The following FER1L6 variants were observed in gnomAD, a reference collection of about 807,000 sequenced individuals.
FER1L6 encodes fer-1-like protein 6.
A neutral mutation model predicts 219.2 loss-of-function variants in FER1L6; 177 were observed. That is an observed-to-expected ratio of 0.81 (90% CI 0.71 to 0.91). The LOEUF is 0.91. FER1L6 is among the 40% of genes least tolerant of loss of function. The pLI, the probability that FER1L6 is intolerant of heterozygous loss-of-function variation, is 0.00. For missense variants in FER1L6, 2,153 were observed against 2,259.9 expected (o/e 0.95, Z 0.96); for synonymous variants, 768 against 824.3 (o/e 0.93, Z 1.17).
chr8:124,007,970 G>A (rs1342895209), intron 13 of FER1L6, among the ~76,000 whole-genome samples: 2 of 152,122 alleles, frequency 1.3e-5, no homozygotes, highest in African/African-American at 4.8e-5. Context: ...AGGTTTTGGT[G>A]GAACACATGG....
At chr8:124,012,844 G>A (rs1462186138) in intron 14 of FER1L6, among the ~76,000 whole-genome samples, 1 of 152,154 alleles carries the variant, frequency 6.6e-6, no homozygotes, top group East Asian at 1.9e-4. Context: ...TTCCCCTTAG[G>A]TGCCATTTTC....
chr8:123,866,997 C>A (rs1161071220), intron 1 of FER1L6, among the ~76,000 whole-genome samples: 1 of 152,170 alleles, frequency 6.6e-6, no homozygotes, highest in Non-Finnish European at 1.5e-5. Context: ...GTATAGTTTG[C>A]AAATATTTTC....
At chr8:123,859,624 A>G (rs1395661389) in intron 1 of FER1L6, among the ~76,000 whole-genome samples, 6 of 145,944 alleles carry the variant, frequency 4.1e-5, no homozygotes, top group Admixed American at 2.8e-4. Context: ...ATATGTATAC[A>G]TGTACCATGC....
At chr8:123,938,836 T>C in intron 1 of FER1L6, among the ~76,000 whole-genome samples, 1 of 152,156 alleles carries the variant, frequency 6.6e-6, no homozygotes, top group Non-Finnish European at 1.5e-5. Context: ...GTGTGAGCCA[T>C]GGCGCCCAGC....
chr8:123,981,478 G>T (rs530107151), intron 11 of FER1L6, among the ~76,000 whole-genome samples: 1 of 152,324 alleles, frequency 6.6e-6, no homozygotes, highest in African/African-American at 2.4e-5. Context: ...AGCGGAGGTA[G>T]GTAGATTCCA....
At chr8:123,868,185 C>T (rs1420228066) in intron 1 of FER1L6, among the ~76,000 whole-genome samples, 1 of 152,064 alleles carries the variant, frequency 6.6e-6, no homozygotes, top group Non-Finnish European at 1.5e-5. Context: ...GGGTAGGTGA[C>T]TTCATCAGAG....
At chr8:123,992,642 T>C (rs1192947626) in intron 12 of FER1L6, among the ~76,000 whole-genome samples, 2 of 152,228 alleles carry the variant, frequency 1.3e-5, no homozygotes, top group Non-Finnish European at 2.9e-5. Context: ...ATTTTGCTTA[T>C]CTATTTAAAG....
intron 1 of FER1L6, among the ~76,000 whole-genome samples, chr8:123,882,166 G>A (rs898630554): frequency 5.3e-5 from 8 of 150,648 alleles, no homozygotes; most frequent in East Asian, 3.9e-4. Context: ...CTGGAACTCC[G>A]GCCCACAAAA....
intron 1 of FER1L6, among the ~76,000 whole-genome samples, chr8:123,895,569 G>A (rs1812729350): frequency 6.6e-6 from 1 of 152,084 alleles, no homozygotes; most frequent in South Asian, 2.1e-4. Flanking sequence ...GGGTTGTCTG[G>A]GTTCTGGAGT....
intron 39 of FER1L6, among the ~76,000 whole-genome samples, chr8:124,114,361 C>G (rs889462896): frequency 2.6e-5 from 4 of 152,042 alleles, no homozygotes; most frequent in Non-Finnish European, 5.9e-5. Context: ...ACTATAGATT[C>G]ATGGATTTTT....
At chr8:123,894,898 A>G (rs1272462979) in intron 1 of FER1L6, among the ~76,000 whole-genome samples, 1 of 152,162 alleles carries the variant, frequency 6.6e-6, no homozygotes, top group Non-Finnish European at 1.5e-5. Context: ...TAAAATAGAA[A>G]ACTGTGAGTC....
chr8:124,097,748 A>C (rs527889243), intron 36 of FER1L6, 37 bp from the exon 37 acceptor site: 1 of 1,123,788 alleles, frequency 8.9e-7, no homozygotes, highest in African/African-American at 1.5e-5. Flanking sequence ...CTCAGCTTTC[A>C]AGGTCATCGA....
In FER1L6 at chr8:123,987,714, G is replaced by T. The variant is rs193251092; in HGVS notation, c.1519+1538G>T. ...GGTTTTTGTATATGGTGGAACATAG[G>T]GGTCTAGTTTCATTCTTCTTTATAT... On this transcript the variant is annotated intron_variant, in intron 12 of 40. Coordinates refer to ENST00000522917, the MANE Select transcript of FER1L6 (RefSeq NM_001039112.2). 8.5e-5 allele frequency among the ~76,000 whole-genome samples: 13 copies of T among 152,176 alleles called. No individual in the cohort carries two copies. In the East Asian group the frequency reaches 2.5e-3, roughly 29 times the overall value.
chr8:124,089,756 T>C (rs1355727061), intron 33 of FER1L6, among the ~76,000 whole-genome samples: 1 of 152,216 alleles, frequency 6.6e-6, no homozygotes, highest in East Asian at 1.9e-4. Context: ...TTGTGTAGTA[T>C]TTCATTTTCA....
chr8:123,870,345 C>A (rs867257474), intron 1 of FER1L6, among the ~76,000 whole-genome samples: 1 of 152,142 alleles, frequency 6.6e-6, no homozygotes, highest in Non-Finnish European at 1.5e-5. Context: ...AAACCCAGCA[C>A]GTGAATGTTT....
intron 33 of FER1L6, among the ~76,000 whole-genome samples, chr8:124,087,064 C>T (rs925002817): frequency 4.6e-5 from 7 of 152,110 alleles, no homozygotes; most frequent in Non-Finnish European, 1.0e-4. Context: ...TTGAGGTAGT[C>T]TTATTTGGAT....
chr8:123,878,035 G>A (rs981209899), intron 1 of FER1L6, among the ~76,000 whole-genome samples: 6 of 152,112 alleles, frequency 3.9e-5, no homozygotes, highest in Non-Finnish European at 8.8e-5. Flanking sequence ...AAAATGGAGG[G>A]TCTCCTTTAA....
At chr8:123,925,128 T>C (rs1037620118) in intron 1 of FER1L6, among the ~76,000 whole-genome samples, 1 of 152,212 alleles carries the variant, frequency 6.6e-6, no homozygotes, top group African/African-American at 2.4e-5. Flanking sequence ...TTTATCGATA[T>C]GTAATGGACA....
chr8:124,103,421 C>G, intron 39 of FER1L6, 112 bp downstream of exon 39: 1 of 1,040,312 alleles, frequency 9.6e-7, no homozygotes, highest in Non-Finnish European at 1.4e-6. Context: ...GACATGAACC[C>G]TTCATGCAGA....
Sources: allele counts gnomAD v4.1 joint callset (sites outside exome capture counted in the v4.1 genomes callset), GRCh38; gene constraint gnomAD v4.1.1; transcripts MANE v1.5; gene names NCBI Gene and HGNC (gene_info 2026-07-23, HGNC 2026-07-21).